The following ANKRD45 variants were observed in gnomAD, a reference collection of about 807,000 sequenced individuals.
The protein encoded by ANKRD45 is ankyrin repeat domain 45.
Under a neutral mutation model 28.1 loss-of-function variants are expected in ANKRD45, and 21 were observed. The observed-to-expected ratio is 0.75, with a 90% CI of 0.53 to 1.08. The LOEUF is 1.08. ANKRD45 is among the 50% of genes least tolerant of loss of function. The pLI, the probability that ANKRD45 is intolerant of heterozygous loss-of-function variation, is 0.00. For synonymous variants in ANKRD45, 86 were observed against 103.9 expected, an observed-to-expected ratio of 0.83 and a Z score of 1.05; for missense variants, 261 against 308.7, an observed-to-expected ratio of 0.85 and a Z score of 1.16.
At chr1:173,633,347 G>A (rs1461092460) in intron 3 of ANKRD45, among the ~76,000 whole-genome samples, 1 of 151,504 alleles carries the variant, frequency 6.6e-6, no homozygotes, top group Non-Finnish European at 1.5e-5. Flanking sequence ...AACTGAAGAG[G>A]ACATAAAAAA....
chr1:173,613,568 C>CCCG (rs1553264331), intron 5 of ANKRD45, among the ~76,000 whole-genome samples: 1 of 141,862 alleles, frequency 7.0e-6, no homozygotes, highest in African/African-American at 3.0e-5. Context: ...GTCAGCCCCC[C>CCCG]CCCCGGCCAG....
At chr1:173,635,832 A>C (rs1432228465) in intron 3 of ANKRD45, 2 of 1,529,000 alleles carry the variant, frequency 1.3e-6, no homozygotes, top group African/African-American at 1.4e-5. Context: ...AAATGGAAGA[A>C]ACACCAAAAA....
intron 2 of ANKRD45, among the ~76,000 whole-genome samples, chr1:173,647,545 A>C (rs920781596): frequency 6.6e-6 from 1 of 152,216 alleles, no homozygotes; most frequent in Non-Finnish European, 1.5e-5. Context: ...GACTTTCTCA[A>C]GTGACTATCA....
the ANKRD45 span, among the ~76,000 whole-genome samples, chr1:173,701,223 A>G: frequency 1.3e-5 from 2 of 152,240 alleles, no homozygotes; most frequent in Admixed American, 1.3e-4. Flanking sequence ...TGTTGGTGGG[A>G]GTATAAACTA....
the ANKRD45 span, among the ~76,000 whole-genome samples, chr1:173,703,899 C>A: frequency 6.6e-6 from 1 of 152,270 alleles, no homozygotes; most frequent in Non-Finnish European, 1.5e-5. Context: ...TGATCTCAGA[C>A]TTCTAGCCTC....
intron 5 of ANKRD45, among the ~76,000 whole-genome samples, chr1:173,619,944 G>T (rs939015043): frequency 3.3e-5 from 5 of 151,956 alleles, no homozygotes; most frequent in African/African-American, 1.2e-4. Flanking sequence ...GGAGCACCCA[G>T]ATTCATAAAA....
chr1:173,710,002 G>C, the ANKRD45 span, among the ~76,000 whole-genome samples: 4 of 152,112 alleles, frequency 2.6e-5, no homozygotes, highest in East Asian at 1.9e-4. Context: ...TGTAATTCAT[G>C]GTTCAATTTT....
chr1:173,686,912 GAAGGT>G, the ANKRD45 span, among the ~76,000 whole-genome samples: 2 of 152,142 alleles, frequency 1.3e-5, no homozygotes, highest in Non-Finnish European at 2.9e-5. Context: ...TGTCTGACCA[GAAGGT>G]AAGATTTTTA....
chr1:173,661,836 T>TA (rs979688751), intron 1 of ANKRD45, among the ~76,000 whole-genome samples: 5 of 151,754 alleles, frequency 3.3e-5, no homozygotes, highest in Admixed American at 2.0e-4. Context: ...CAATAAAAAA[T>TA]AAAAAAAGTG....
intron 1 of ANKRD45, among the ~76,000 whole-genome samples, chr1:173,666,545 G>T (rs958585991): frequency 1.3e-5 from 2 of 152,028 alleles, no homozygotes; most frequent in Non-Finnish European, 2.9e-5. Context: ...TACCTAATAC[G>T]ATGTAAATGC....
At chr1:173,680,801 A>C in the ANKRD45 span, among the ~76,000 whole-genome samples, 1 of 151,964 alleles carries the variant, frequency 6.6e-6, no homozygotes, top group Admixed American at 6.6e-5. Context: ...AAAAAGGATG[A>C]ATTCACGTTC....
the ANKRD45 span, among the ~76,000 whole-genome samples, chr1:173,701,852 T>A: frequency 1.1e-3 from 169 of 152,186 alleles, 2 homozygotes; most frequent in African/African-American, 3.9e-3. Context: ...AGAATTAAAT[T>A]AAAAATTTTA....
At chr1:173,660,129 A>T (rs1190900333) in intron 1 of ANKRD45, among the ~76,000 whole-genome samples, 1 of 152,192 alleles carries the variant, frequency 6.6e-6, no homozygotes, top group Non-Finnish European at 1.5e-5. Flanking sequence ...TGTTGTAACA[A>T]GGTTTGAAGG....
At chr1:173,643,608 AT>A (rs1197533339) in intron 3 of ANKRD45, among the ~76,000 whole-genome samples, 2 of 152,158 alleles carry the variant, frequency 1.3e-5, no homozygotes, top group African/African-American at 4.8e-5. Flanking sequence ...ATGATTATAG[AT>A]TAATGTTTTT....
the ANKRD45 span, among the ~76,000 whole-genome samples, chr1:173,697,143 C>G: frequency 6.6e-6 from 1 of 152,104 alleles, no homozygotes; most frequent in Admixed American, 6.6e-5. Flanking sequence ...ATGAACAAAG[C>G]CTCCAAGAAA....
At chr1:173,646,363 C>T (rs1305128020) in intron 3 of ANKRD45, among the ~76,000 whole-genome samples, 1 of 152,118 alleles carries the variant, frequency 6.6e-6, no homozygotes, top group East Asian at 1.9e-4. Context: ...TTCCCCATGC[C>T]GTAAGGGTAG....
chr1:173,647,117 G>T, intron 2 of ANKRD45, 104 bp from the exon 3 acceptor site: 2 of 1,121,404 alleles, frequency 1.8e-6, no homozygotes, highest in Non-Finnish European at 2.5e-6. Flanking sequence ...AACAATTACT[G>T]TGGGCCAGGC....
chr1:173,693,202 A>G, the ANKRD45 span, among the ~76,000 whole-genome samples: 1 of 152,114 alleles, frequency 6.6e-6, no homozygotes, highest in Non-Finnish European at 1.5e-5. Context: ...TGGGAGGCTG[A>G]GGCAGGAGAA....
At chr1:173,612,022 T>C (rs1009779472) in intron 5 of ANKRD45, among the ~76,000 whole-genome samples, 1 of 152,066 alleles carries the variant, frequency 6.6e-6, no homozygotes, top group Admixed American at 6.5e-5. Context: ...GGCAAGTAGA[T>C]CACTTGAGCC....
Sources: gnomAD v4.1 joint callset for allele counts (sites outside exome capture counted in the v4.1 genomes callset) on GRCh38, gnomAD v4.1.1 for gene constraint, MANE v1.5 for transcripts, NCBI Gene and HGNC (gene_info 2026-07-23, HGNC 2026-07-21) for gene names.